The following BCAS3 variants were observed in gnomAD, a reference collection of about 807,000 sequenced individuals.
BCAS3 encodes BCAS3 microtubule associated cell migration factor, also known as BCAS4/BCAS3 fusion.
Under a neutral mutation model 116.1 loss-of-function variants are expected in BCAS3, and 53 were observed. The ratio of observed to expected loss-of-function variants is 0.46; its 90% CI spans 0.37 to 0.57. The LOEUF is 0.57. BCAS3 is among the 20% of genes least tolerant of loss of function. The pLI is 0.00. For missense variants in BCAS3, 917 were observed against 1,165.4 expected, an observed-to-expected ratio of 0.79 and a Z score of 3.10; for synonymous variants, 391 against 408.2, an observed-to-expected ratio of 0.96 and a Z score of 0.51.
In BCAS3 at chr17:61,019,010, T is replaced by G. The variant is rs1042977812; in HGVS notation, c.1637+3109T>G. On this transcript the variant is annotated intron_variant, in intron 16 of 23. Coordinates refer to ENST00000407086, the MANE Select transcript of BCAS3 (RefSeq NM_017679.5). The surrounding 1 kb of genome is among the most constrained non-coding windows in gnomAD (Gnocchi z 5.6). ...ATAGAGTACAGTGACTGATAAGACTTTGATGATAGTGGTCAGTCATACTTG... is the reference window on the plus strand; with the variant it reads ...ATAGAGTACAGTGACTGATAAGACTGTGATGATAGTGGTCAGTCATACTTG... Among the ~76,000 whole-genome samples the G allele has an allele frequency of 3.3e-5, 5 of 152,176 alleles. No homozygotes were observed. Among genetic ancestry groups the G allele is most frequent in the African/African-American group, 1.2e-4 (5 of 41,444 alleles).
At chr17:60,818,553 A>G (rs973795365) in intron 7 of BCAS3, among the ~76,000 whole-genome samples, 1 of 152,176 alleles carries the variant, frequency 6.6e-6, no homozygotes. Context: ...GATGCTTTCA[A>G]TTTTGACTGA....
At chr17:61,002,697 T>A (rs2064330524) in intron 15 of BCAS3, 1 of 152,148 alleles carries the variant, frequency 6.6e-6, no homozygotes, top group Non-Finnish European at 1.5e-5. Context: ...ATTGAATGAA[T>A]AGAGGCAAAT....
intron 5 of BCAS3, among the ~76,000 whole-genome samples, chr17:60,742,630 A>G (rs774619773): frequency 1.3e-5 from 2 of 151,264 alleles, no homozygotes; most frequent in Non-Finnish European, 2.9e-5. Context: ...ACAGCTTTTC[A>G]CCATGTTGGC....
intron 23 of BCAS3, among the ~76,000 whole-genome samples, chr17:61,386,751 C>A (rs1356027935): frequency 2.0e-5 from 3 of 151,946 alleles, no homozygotes; most frequent in African/African-American, 7.3e-5. Context: ...GAACACCAAG[C>A]CCAAAGCAGG....
Position 61,326,058 on chromosome 17 carries a change from G to A in BCAS3, c.2426-42269G>A, listed in dbSNP as rs930222301. ...GCTAACTGTGTGTGCTATTAAATGC[G>A]CACTGCCCGGACACAGTGGAGCTTG... On this transcript the variant is annotated intron_variant, in intron 22 of 23. Coordinates refer to ENST00000407086, the MANE Select transcript of BCAS3 (RefSeq NM_017679.5). This position sits in a 1 kb window ranked among gnomAD's most constrained non-coding sequence, Gnocchi z 5.3. 6.6e-6 allele frequency among the ~76,000 whole-genome samples: 1 copy of A among 152,226 alleles called. No individual in the cohort carries two copies. Among genetic ancestry groups the A allele is most frequent in the Non-Finnish European group, 1.5e-5 (1 of 68,040 alleles).
chr17:60,844,897 G>A (rs1371112707), intron 7 of BCAS3, among the ~76,000 whole-genome samples: 1 of 152,168 alleles, frequency 6.6e-6, no homozygotes, highest in Non-Finnish European at 1.5e-5. Flanking sequence ...TGCAGTACAA[G>A]TTGTCTGAAA....
chr17:60,878,083 C>T (rs2055784107), intron 9 of BCAS3, among the ~76,000 whole-genome samples: 1 of 149,490 alleles, frequency 6.7e-6, no homozygotes, highest in South Asian at 2.1e-4. Flanking sequence ...GTTCTTGGCT[C>T]ACTGCAGCCT....
intron 14 of BCAS3, among the ~76,000 whole-genome samples, chr17:60,976,080 G>A (rs1358609942): frequency 1.4e-5 from 2 of 141,324 alleles, no homozygotes; most frequent in Admixed American, 7.3e-5. Context: ...CCAGGCTGGA[G>A]TGCAGTGGCT....
At chr17:60,897,365 CA>C (rs1211415377) in intron 10 of BCAS3, among the ~76,000 whole-genome samples, 1 of 152,114 alleles carries the variant, frequency 6.6e-6, no homozygotes, top group African/African-American at 2.4e-5. Context: ...TGATTTTAGA[CA>C]ATGACTATAA....
At position 61,131,769 on chromosome 17, in the gene BCAS3, G is replaced by C. The variant is rs965280638; in HGVS notation, c.2425+47205G>C. ...TTAGGGGCTGAGCAGAAACACTCATGAAGGAGCCCTGATTAAAAAGAGTGG... is the reference window on the plus strand; with the variant it reads ...TTAGGGGCTGAGCAGAAACACTCATCAAGGAGCCCTGATTAAAAAGAGTGG... On this transcript the variant is annotated intron_variant, in intron 22 of 23. Coordinates refer to ENST00000407086, the MANE Select transcript of BCAS3 (RefSeq NM_017679.5). The surrounding 1 kb of genome is among the most constrained non-coding windows in gnomAD (Gnocchi z 4.4). Among the ~76,000 whole-genome samples the C allele has an allele frequency of 1.3e-5, 2 of 152,210 alleles. No individual in the cohort carries two copies. Among genetic ancestry groups the C allele is most frequent in the African/African-American group, 4.8e-5 (2 of 41,458 alleles).
Position 61,145,245 on chromosome 17 carries a change from C to T in BCAS3, c.2425+60681C>T, listed in dbSNP as rs756809969. On this transcript the variant is annotated intron_variant, in intron 22 of 23. Coordinates refer to ENST00000407086, the MANE Select transcript of BCAS3 (RefSeq NM_017679.5). The surrounding 1 kb of genome is among the most constrained non-coding windows in gnomAD (Gnocchi z 5.0). The stretch of plus-strand genomic sequence containing the variant: ...AGTCTTGAATCTTTCTTGTTTCTGC[C>T]GTCTTCACCTTTGCTGATGGTTCTG... Among the ~76,000 whole-genome samples the T allele has an allele frequency of 6.6e-5, 10 of 152,140 alleles. No homozygotes were observed. The highest frequency in any genetic ancestry group is 1.4e-4 in the African/African-American group (6 of 41,420).
intron 3 of BCAS3, among the ~76,000 whole-genome samples, chr17:60,687,587 G>C (rs1194526459): frequency 6.6e-6 from 1 of 150,430 alleles, no homozygotes; most frequent in Non-Finnish European, 1.5e-5. Flanking sequence ...CGGGGTGACA[G>C]AACCAGACCC....
chr17:60,746,955 C>G (rs888592883), intron 5 of BCAS3, among the ~76,000 whole-genome samples: 1 of 152,126 alleles, frequency 6.6e-6, no homozygotes. Context: ...TTATAGACTT[C>G]CAGAACAGAC....
intron 5 of BCAS3, among the ~76,000 whole-genome samples, chr17:60,741,579 G>A (rs2041553968): frequency 6.6e-6 from 1 of 152,122 alleles, no homozygotes; most frequent in Non-Finnish European, 1.5e-5. Context: ...TTATAATAAA[G>A]ACTAATTATT....
intron 10 of BCAS3, among the ~76,000 whole-genome samples, chr17:60,902,206 T>C (rs1330961935): frequency 6.6e-6 from 1 of 152,256 alleles, no homozygotes; most frequent in South Asian, 2.1e-4. Context: ...ATGTTTTCTT[T>C]TATAATCTTT....
intron 7 of BCAS3, among the ~76,000 whole-genome samples, chr17:60,836,064 G>A (rs2051343698): frequency 6.6e-6 from 1 of 152,082 alleles, no homozygotes; most frequent in Non-Finnish European, 1.5e-5. Flanking sequence ...AAAATTGAGT[G>A]GAAGATACAG....
intron 7 of BCAS3, among the ~76,000 whole-genome samples, chr17:60,849,262 T>C (rs1281993448): frequency 6.6e-6 from 1 of 151,968 alleles, no homozygotes; most frequent in East Asian, 1.9e-4. Context: ...TTTCACAAAC[T>C]GAATCTCTGT....
chr17:60,910,784 C>A, intron 12 of BCAS3, 82 bp downstream of exon 12: 1 of 1,242,270 alleles, frequency 8.0e-7, no homozygotes, highest in Non-Finnish European at 1.1e-6. Flanking sequence ...ATGTATTTGG[C>A]CTAGGAGATT....
At chr17:60,684,697 A>G (rs1215485731) in intron 3 of BCAS3, among the ~76,000 whole-genome samples, 1 of 152,172 alleles carries the variant, frequency 6.6e-6, no homozygotes, top group African/African-American at 2.4e-5. Flanking sequence ...TAAGAATCTC[A>G]GGTGATTCTT....
Sources: allele counts gnomAD v4.1 joint callset (sites outside exome capture counted in the v4.1 genomes callset), GRCh38; gene constraint gnomAD v4.1.1; non-coding constraint Gnocchi (gnomAD v3.1); transcripts MANE v1.5; gene names NCBI Gene and HGNC (gene_info 2026-07-23, HGNC 2026-07-21).